The following GNPDA2 variants were observed in gnomAD, a reference collection of about 807,000 sequenced individuals.
GNPDA2 encodes glcN6P deaminase 2.
Under a neutral mutation model 27.0 loss-of-function variants are expected in GNPDA2, and 24 were observed. The observed-to-expected ratio is 0.89, with a 90% CI of 0.64 to 1.25. GNPDA2 has a LOEUF of 1.25. GNPDA2 is among the 50% of genes most tolerant of loss of function. The pLI is 0.00. For missense variants in GNPDA2, 286 were observed against 335.1 expected (o/e 0.85, Z 1.14); for synonymous variants, 94 against 108.4 (o/e 0.87, Z 0.83).
chr4:44,702,691 T>C lies in GNPDA2; in HGVS notation c.*390A>G. ...AAAAGTGAAGGTCTGCAATGATAGT[T>C]TGTTATCTGAAAGGTTTGGAGTGTC... is the stretch of plus-strand genomic sequence containing the variant. On this transcript the variant is annotated 3_prime_UTR_variant, in exon 7 of 7. Coordinates refer to ENST00000295448, the MANE Select transcript of GNPDA2 (RefSeq NM_138335.3). 7 of 1,035,432 alleles carry C rather than the reference T, an allele frequency of 6.8e-6. No homozygotes were observed. Among genetic ancestry groups the C allele is most frequent in the Non-Finnish European group, 8.1e-6 (7 of 863,350 alleles). 64.1% of individuals were successfully genotyped at this position (1,035,432 alleles called of 1,614,324 possible). A position where few individuals can be genotyped will look rare whatever the true frequency, so the allele number is the denominator to read the frequency against.
Position 44,701,817 on chromosome 4 carries a change from G to T in GNPDA2, c.*1264C>A. The T allele has an allele frequency of 1.0e-6, 1 of 984,232 alleles. No individual in the cohort carries two copies. Among genetic ancestry groups the T allele is most frequent in the South Asian group, 4.7e-5 (1 of 21,262 alleles). 61.0% of individuals were successfully genotyped at this position (984,232 alleles called of 1,614,324 possible). A position where few individuals can be genotyped will look rare whatever the true frequency, so the allele number is the denominator to read the frequency against. On this transcript the variant is annotated 3_prime_UTR_variant, in exon 7 of 7. Transcript: ENST00000295448. ...TATTAAAACATCATCTGGAATTAAA[G>T]CAGCATAATTTACCCCATCCCCCAC...
At chr4:44,716,113 T>G (rs1274758887) in intron 4 of GNPDA2, among the ~76,000 whole-genome samples, 1 of 151,882 alleles carries the variant, frequency 6.6e-6, no homozygotes, top group Non-Finnish European at 1.5e-5. Flanking sequence ...TATACTGAAC[T>G]TCAATAAACT....
At chr4:44,713,136 C>A (rs536041026) in intron 4 of GNPDA2, among the ~76,000 whole-genome samples, 1 of 152,274 alleles carries the variant, frequency 6.6e-6, no homozygotes, top group South Asian at 2.1e-4. Flanking sequence ...GTTTATTCCA[C>A]CTCCCACCTT....
chr4:44,723,102 T>C (rs1020165312), intron 1 of GNPDA2, among the ~76,000 whole-genome samples: 2 of 152,204 alleles, frequency 1.3e-5, no homozygotes, highest in African/African-American at 4.8e-5. Context: ...AAAATTATTA[T>C]ACGTATATTA....
chr4:44,708,138 G>A (rs1316743349), intron 5 of GNPDA2, among the ~76,000 whole-genome samples: 4 of 152,046 alleles, frequency 2.6e-5, no homozygotes, highest in African/African-American at 9.7e-5. Context: ...ACAATATCTT[G>A]TTATGGGTTA....
intron 4 of GNPDA2, among the ~76,000 whole-genome samples, chr4:44,716,358 T>C (rs963468133): frequency 2.0e-5 from 3 of 151,936 alleles, no homozygotes; most frequent in African/African-American, 7.2e-5. Flanking sequence ...TATTTTTAGT[T>C]GAATATTAAA....
chr4:44,726,167 T>C (rs575253547), intron 1 of GNPDA2, among the ~76,000 whole-genome samples: 1 of 152,188 alleles, frequency 6.6e-6, no homozygotes, highest in Non-Finnish European at 1.5e-5. Flanking sequence ...GGACAGCGAA[T>C]GCAAATGAGG....
At chr4:44,713,955 A>C (rs1268014452) in intron 4 of GNPDA2, among the ~76,000 whole-genome samples, 1 of 152,128 alleles carries the variant, frequency 6.6e-6, no homozygotes, top group Non-Finnish European at 1.5e-5. Flanking sequence ...TTATTGTAAA[A>C]CTAGATTTTT....
chr4:44,724,385 G>C (rs1284118746), intron 1 of GNPDA2, among the ~76,000 whole-genome samples: 1 of 152,048 alleles, frequency 6.6e-6, no homozygotes, highest in Non-Finnish European at 1.5e-5. Context: ...TTTTCCTTCG[G>C]GTAGATACCC....
At chr4:44,706,376 C>T (rs75522582) in intron 6 of GNPDA2, 1 of 151,736 alleles carries the variant, frequency 6.6e-6, no homozygotes, top group Non-Finnish European at 1.5e-5. Flanking sequence ...TAAAATGCTT[C>T]CAAATATTTA....
intron 1 of GNPDA2, among the ~76,000 whole-genome samples, chr4:44,725,433 G>A (rs1280477759): frequency 6.6e-6 from 1 of 152,180 alleles, no homozygotes; most frequent in African/African-American, 2.4e-5. Context: ...TAGACACAGT[G>A]TTTCAAAAGA....
intron 1 of GNPDA2, among the ~76,000 whole-genome samples, chr4:44,722,567 T>G (rs989975027): frequency 1.3e-5 from 2 of 152,196 alleles, no homozygotes; most frequent in African/African-American, 4.8e-5. Context: ...GCATCTGTAT[T>G]AAACAGGTAC....
intron 1 of GNPDA2, among the ~76,000 whole-genome samples, chr4:44,725,272 G>T (rs374597767): frequency 9.2e-5 from 14 of 152,328 alleles, no homozygotes; most frequent in African/African-American, 3.4e-4. Flanking sequence ...GCAACTACGA[G>T]AAGTTTATTG....
chr4:44,703,316 T>C, intron 6 of GNPDA2, 174 bp from the exon 7 acceptor site: 1 of 1,387,244 alleles, frequency 7.2e-7, no homozygotes. Context: ...GTCTTAAGTT[T>C]TATCTACCTA....
chr4:44,711,198 G>A, intron 4 of GNPDA2, 61 bp from the exon 5 acceptor site: 1 of 1,054,134 alleles, frequency 9.5e-7, no homozygotes, highest in South Asian at 2.8e-5. Flanking sequence ...AAAGTTCAAT[G>A]TGCGTTAAAG....
At chr4:44,718,908 T>C (rs998370760) in intron 2 of GNPDA2, among the ~76,000 whole-genome samples, 2 of 152,002 alleles carry the variant, frequency 1.3e-5, no homozygotes, top group African/African-American at 4.8e-5. Context: ...TACAGCTTTC[T>C]AAATGGAGCC....
At chr4:44,707,991 T>C (rs567882104) in intron 5 of GNPDA2, 65 bp from the exon 6 acceptor site, 1 of 1,154,232 alleles carries the variant, frequency 8.7e-7, no homozygotes, top group East Asian at 2.5e-5. Flanking sequence ...CTATTTTTTT[T>C]AAACGAGAAC....
chr4:44,707,852 C>T lies in GNPDA2; in HGVS notation c.669G>A (p.Met223Ile), dbSNP rs1023055452. Reference sequence around the variant, plus strand: ...GCTGCTGGAAAGCGGAAACAGTCCACATGTGATTGACTCCTTCTTCTATTG... The same window carrying T: ...GCTGCTGGAAAGCGGAAACAGTCCATATGTGATTGACTCCTTCTTCTATTG... ...YKAIEEGVNH[M>I]WTVSAFQQHP... The change falls in exon 6 of 7, where the codon ATG becomes ATA. Residue 223 changes from methionine to isoleucine, a missense_variant. Transcript: ENST00000295448. 6.2e-7 allele frequency: 1 copy of T among 1,613,244 alleles called. No individual in the cohort carries two copies.
chr4:44,713,742 T>C (rs978318204), intron 4 of GNPDA2, among the ~76,000 whole-genome samples: 4 of 151,874 alleles, frequency 2.6e-5, no homozygotes, highest in African/African-American at 9.6e-5. Context: ...TAGCCGGGCA[T>C]GGCGGCAAGT....
Sources: gnomAD v4.1 joint callset for allele counts (sites outside exome capture counted in the v4.1 genomes callset) on GRCh38, gnomAD v4.1.1 for gene constraint, MANE v1.5 for transcripts, NCBI Gene and HGNC (gene_info 2026-07-23, HGNC 2026-07-21) for gene names.